THADA: variants seen among roughly 807,000 people sequenced by gnomAD.
The protein encoded by THADA is tRNA (32-2'-O)-methyltransferase regulator THADA.
A neutral mutation model predicts 219.8 loss-of-function variants in THADA; 213 were observed. That is an observed-to-expected ratio of 0.97 (90% CI 0.87 to 1.09). The LOEUF (loss-of-function observed/expected upper bound fraction) is 1.09, where lower values mean the gene tolerates loss of function less well. Ranked by LOEUF, THADA falls within the 50% of genes least tolerant of loss-of-function variation. THADA has a pLI of 0.00. For missense variants in THADA, 2,956 were observed against 2,311.3 expected, an observed-to-expected ratio of 1.28 and a Z score of -5.72; for synonymous variants, 1,018 against 828.9, an observed-to-expected ratio of 1.23 and a Z score of -3.92.
At chr2:43,395,085 C>T (rs77750494) in intron 29 of THADA, among the ~76,000 whole-genome samples, 316 of 152,296 alleles carry the variant, frequency 2.1e-3, no homozygotes, top group African/African-American at 7.3e-3. Context: ...GCCAGTAGCA[C>T]GTGTGGGAAA....
chr2:43,236,940 T>C (rs944568879), intron 36 of THADA, among the ~76,000 whole-genome samples: 8 of 147,826 alleles, frequency 5.4e-5, no homozygotes, highest in Non-Finnish European at 8.9e-5. Flanking sequence ...GGCATGGTGG[T>C]GGGCGCCTGT....
At chr2:43,378,288 AT>A (rs1302123467) in intron 29 of THADA, among the ~76,000 whole-genome samples, 1 of 152,202 alleles carries the variant, frequency 6.6e-6, no homozygotes, top group Non-Finnish European at 1.5e-5. Flanking sequence ...TAGAAAATAC[AT>A]CTGAGGAAAT....
chr2:43,452,301 C>T (rs943007084), intron 26 of THADA, among the ~76,000 whole-genome samples: 1 of 151,722 alleles, frequency 6.6e-6, no homozygotes, highest in Non-Finnish European at 1.5e-5. Flanking sequence ...GGGGTGGTGC[C>T]AATAGTCCCA....
chr2:43,344,759 G>GTTTTTTTTTTTTTTTTTTTTTTT, intron 29 of THADA, among the ~76,000 whole-genome samples: 1 of 149,324 alleles, frequency 6.7e-6, no homozygotes, highest in Non-Finnish European at 1.5e-5. Context: ...ACTATTTAGG[G>GTTTTTTTTTTTTTTTTTTTTTTT]TTTTTTTTGT....
At chr2:43,359,216 T>C (rs1669215202) in intron 29 of THADA, among the ~76,000 whole-genome samples, 1 of 152,216 alleles carries the variant, frequency 6.6e-6, no homozygotes, top group South Asian at 2.1e-4. Context: ...TTATGTGTAA[T>C]AACCAAAGTC....
chr2:43,345,696 G>A (rs891330926), intron 29 of THADA, among the ~76,000 whole-genome samples: 3 of 152,186 alleles, frequency 2.0e-5, no homozygotes, highest in Non-Finnish European at 2.9e-5. Context: ...AAGTCACTGG[G>A]CTTTGCTTTA....
At chr2:43,429,107 GT>G (rs1207625930) in intron 27 of THADA, among the ~76,000 whole-genome samples, 3 of 146,324 alleles carry the variant, frequency 2.1e-5, no homozygotes, top group African/African-American at 5.0e-5. Context: ...ATGTGTGTGT[GT>G]TTTTTTTTTC....
At position 43,474,382 on chromosome 2, in the gene THADA, G is replaced by A. The variant is rs79853151; in HGVS notation, c.3836+10852C>T. On this transcript the variant is annotated intron_variant, in intron 26 of 37. Transcript: ENST00000405975. ...TGCAGGCTCTTCCCCTGAGAGAGAG[G>A]AAAGGAGTTCACAGAGTACTGACAG... Among the ~76,000 whole-genome samples the A allele has an allele frequency of 3.8e-4, 58 of 152,248 alleles. 1 individual carries two copies. The East Asian group carries it at 0.011, about 29-fold the overall frequency.
At chr2:43,292,812 G>C in intron 32 of THADA, 22 bp downstream of exon 32, 2 of 1,602,114 alleles carry the variant, frequency 1.2e-6, no homozygotes, top group Non-Finnish European at 1.7e-6. Context: ...TAAAGGGCCA[G>C]TCAGTACGTT....
intron 21 of THADA, among the ~76,000 whole-genome samples, chr2:43,537,343 C>A (rs886471269): frequency 6.6e-6 from 1 of 152,180 alleles, no homozygotes; most frequent in African/African-American, 2.4e-5. Flanking sequence ...TTTGACGTCA[C>A]AGAACCACAT....
chr2:43,491,251 A>C (rs1040565007), intron 25 of THADA, among the ~76,000 whole-genome samples: 1 of 152,248 alleles, frequency 6.6e-6, no homozygotes, highest in Middle Eastern at 3.2e-3. Context: ...AATAAATGCT[A>C]ATATGAATCA....
intron 26 of THADA, among the ~76,000 whole-genome samples, chr2:43,474,777 G>T (rs1468627805): frequency 6.6e-6 from 1 of 152,166 alleles, no homozygotes; most frequent in Non-Finnish European, 1.5e-5. Context: ...GAAAGATGAA[G>T]ATGTCTGAAG....
At chr2:43,287,144 T>A (rs2104345827) in intron 34 of THADA, 83 bp from the exon 35 acceptor site, 2 of 1,339,252 alleles carry the variant, frequency 1.5e-6, no homozygotes, top group Non-Finnish European at 2.1e-6. Context: ...TACACCAAAC[T>A]GGGCCTGTAG....
intron 22 of THADA, among the ~76,000 whole-genome samples, chr2:43,525,926 G>A (rs1693114537): frequency 6.6e-6 from 1 of 152,064 alleles, no homozygotes; most frequent in African/African-American, 2.4e-5. Context: ...CTGATTGCAG[G>A]CTCTCCTTAC....
At chr2:43,350,614 ATGT>A (rs958637884) in intron 29 of THADA, among the ~76,000 whole-genome samples, 14 of 152,140 alleles carry the variant, frequency 9.2e-5, no homozygotes, top group African/African-American at 2.9e-4. Context: ...AGAGCTCAAC[ATGT>A]TGTTTTTTAT....
rs1667358096 is a variant in THADA at position 43,344,089 on chromosome 2, A to AT, written c.4343+32dup. ...TTCTCAAATGTATTCCTAACCCCTGATAACTCCTTGCTCATGTGGGATTTT... is the reference window on the plus strand; with the variant it reads ...TTCTCAAATGTATTCCTAACCCCTGATTAACTCCTTGCTCATGTGGGATTTT... On this transcript the variant is annotated intron_variant, in intron 30 of 37. Coordinates refer to ENST00000405975, the MANE Select transcript of THADA (RefSeq NM_022065.5). 2.7e-6 allele frequency: 4 copies of AT among 1,488,064 alleles called. No individual in the cohort carries two copies. The South Asian group carries it at 4.7e-5, about 18-fold the overall frequency. The allele number at this position is 1,488,064 out of a possible 1,614,324, so 92.2% of individuals were successfully genotyped here.
chr2:43,259,704 G>A (rs72877307), intron 36 of THADA, among the ~76,000 whole-genome samples: 1,828 of 152,282 alleles, frequency 0.012, 26 homozygotes, highest in African/African-American at 0.038. Flanking sequence ...ATAGTATGTG[G>A]AGGTATTAAC....
intron 29 of THADA, among the ~76,000 whole-genome samples, chr2:43,355,848 T>C (rs1249420004): frequency 6.6e-6 from 1 of 152,196 alleles, no homozygotes; most frequent in Non-Finnish European, 1.5e-5. Flanking sequence ...CGATTGATAA[T>C]GTTTGAAGCT....
intron 8 of THADA, 41 bp downstream of exon 8, chr2:43,581,700 T>G: frequency 6.5e-7 from 1 of 1,539,704 alleles, no homozygotes; most frequent in African/African-American, 1.4e-5. Flanking sequence ...CAATTTTAAC[T>G]GTCAATTATA....
Sources: allele counts gnomAD v4.1 joint callset (sites outside exome capture counted in the v4.1 genomes callset), GRCh38; gene constraint gnomAD v4.1.1; transcripts MANE v1.5; gene names NCBI Gene and HGNC (gene_info 2026-07-23, HGNC 2026-07-21).